Variants in ZNF710 observed in about 807,000 individuals in gnomAD.
ZNF710 encodes zinc finger protein 710.
Under a neutral mutation model 50.6 loss-of-function variants are expected in ZNF710, and 13 were observed. That is an observed-to-expected ratio of 0.26 (90% CI 0.17 to 0.41). ZNF710 has a LOEUF of 0.41. Among genes scored for constraint, ZNF710 ranks in the 10% least tolerant of loss-of-function variants. The probability of loss-of-function intolerance (pLI) is 1.00; values close to 1 mark genes in which losing one functional copy is unlikely to be tolerated. For missense variants in ZNF710, 721 were observed against 936.6 expected (o/e 0.77, Z 3.01); for synonymous variants, 383 against 397.0 (o/e 0.96, Z 0.42).
chr15:90,060,652 G>A (rs1318635528), intron 1 of ZNF710, among the ~76,000 whole-genome samples: 2 of 151,832 alleles, frequency 1.3e-5, no homozygotes, highest in Non-Finnish European at 2.9e-5. Flanking sequence ...TCAGGAGTTC[G>A]AGACCAGCCT....
At chr15:89,999,779 G>GGA (rs1342638323), upstream of ZNF710, among the ~76,000 whole-genome samples, 2 of 152,040 alleles carry the variant, frequency 1.3e-5, no homozygotes, top group Admixed American at 1.3e-4. Flanking sequence ...AGTCACTGGG[G>GGA]GAGAGACAAT....
rs1331844734 is a variant in ZNF710, at chr15:90,044,866, CA to C, written c.-28-22243del. ...CACTTTCTACATCCCCAGGGGCCAC[CA>C]GTCACTGTGGTCTGAGGAGTAAAGG... On this transcript the variant is annotated intron_variant, in intron 1 of 4. Transcript: ENST00000268154. Among the ~76,000 whole-genome samples the C allele has an allele frequency of 5.9e-5, 9 of 152,206 alleles. No individual in the cohort carries two copies. The East Asian group carries it at 1.4e-3, about 23-fold the overall frequency.
Position 90,080,274 on chromosome 15 carries a change from C to T in ZNF710, c.*445C>T, listed in dbSNP as rs1231587868. The T allele has an allele frequency of 6.3e-6, 1 of 158,344 alleles. No homozygotes were observed. Among genetic ancestry groups the T allele is most frequent in the Admixed American group, 6.5e-5 (1 of 15,372 alleles). The allele number at this position is 158,344 out of a possible 1,614,324, so 9.8% of individuals were successfully genotyped here. A position where few individuals can be genotyped will look rare whatever the true frequency, so the allele number is the denominator to read the frequency against. ...CCTCTAAGGATGTCTGAGCTCCCCT[C>T]TGGCCAGTACTGCCCACCTCTACCT... is the stretch of plus-strand genomic sequence containing the variant. On this transcript the variant is annotated 3_prime_UTR_variant, in exon 5 of 5. Coordinates refer to ENST00000268154, the MANE Select transcript of ZNF710 (RefSeq NM_198526.4).
At chr15:90,044,337 G>A (rs996665653) in intron 1 of ZNF710, among the ~76,000 whole-genome samples, 3 of 152,320 alleles carry the variant, frequency 2.0e-5, no homozygotes, top group South Asian at 2.1e-4. Flanking sequence ...GTGGTCCCAC[G>A]GGCCTCCCCA....
intron 1 of ZNF710, among the ~76,000 whole-genome samples, chr15:90,046,472 C>T (rs952947436): frequency 1.3e-5 from 2 of 152,082 alleles, no homozygotes; most frequent in African/African-American, 2.4e-5. Context: ...CCCAAGAAGA[C>T]TAGAGGAGGG....
upstream of ZNF710, among the ~76,000 whole-genome samples, chr15:89,998,547 A>C (rs1266875416): frequency 6.6e-6 from 1 of 152,058 alleles, no homozygotes; most frequent in African/African-American, 2.4e-5. Flanking sequence ...TCAGCTCATC[A>C]TGTTTCTGGT....
intron 1 of ZNF710, among the ~76,000 whole-genome samples, chr15:90,037,558 T>A (rs1051872411): frequency 4.6e-5 from 7 of 152,210 alleles, no homozygotes; most frequent in African/African-American, 9.6e-5. Flanking sequence ...GTACCACCAC[T>A]GGTGGTACTC....
chr15:90,029,432 A>G (rs759676188), intron 1 of ZNF710, among the ~76,000 whole-genome samples: 3 of 152,176 alleles, frequency 2.0e-5, no homozygotes, highest in Non-Finnish European at 4.4e-5. Flanking sequence ...ACAAACTCCA[A>G]CTCAAACGGG....
intron 1 of ZNF710, among the ~76,000 whole-genome samples, chr15:90,051,622 G>T (rs1452370717): frequency 2.0e-5 from 3 of 152,178 alleles, no homozygotes; most frequent in Non-Finnish European, 4.4e-5. Flanking sequence ...GACAGAGTGA[G>T]ACTTTGTCTC....
At chr15:90,021,637 C>G (rs1034585223) in intron 1 of ZNF710, among the ~76,000 whole-genome samples, 1 of 152,168 alleles carries the variant, frequency 6.6e-6, no homozygotes, top group Non-Finnish European at 1.5e-5. Flanking sequence ...GGCATGGTCT[C>G]TCTCCCCAGT....
At chr15:90,064,287 C>T (rs1047056381) in intron 1 of ZNF710, among the ~76,000 whole-genome samples, 2 of 152,244 alleles carry the variant, frequency 1.3e-5, no homozygotes, top group Admixed American at 6.5e-5. Flanking sequence ...ATTCACCTTG[C>T]TGTCTCCAGG....
chr15:90,079,179 C>T (rs1250739982), intron 4 of ZNF710, among the ~76,000 whole-genome samples: 2 of 152,230 alleles, frequency 1.3e-5, no homozygotes, highest in Admixed American at 1.3e-4. Context: ...CTCTCTAAAC[C>T]TCAGCCTTCT....
At chr15:90,017,942 T>C (rs74950453) in intron 1 of ZNF710, among the ~76,000 whole-genome samples, 9,626 of 152,040 alleles carry the variant, frequency 0.063, 1,047 homozygotes, top group African/African-American at 0.22. Context: ...TGGAATCTCC[T>C]TCCTTGGGCT....
At chr15:90,045,443 T>A in intron 1 of ZNF710, 3 of 970,078 alleles carry the variant, frequency 3.1e-6, no homozygotes, top group Non-Finnish European at 3.7e-6. Flanking sequence ...GCAGCTCTAG[T>A]GAGGTCAACA....
At chr15:90,066,027 T>A (rs1005011258) in intron 1 of ZNF710, among the ~76,000 whole-genome samples, 7 of 152,202 alleles carry the variant, frequency 4.6e-5, no homozygotes, top group African/African-American at 1.4e-4. Flanking sequence ...TTCTTTCAAA[T>A]CAGATCGGAC....
chr15:90,045,626 T>G (rs1365533441), intron 1 of ZNF710, among the ~76,000 whole-genome samples: 3 of 151,982 alleles, frequency 2.0e-5, no homozygotes, highest in African/African-American at 7.2e-5. Context: ...GAGGCCCAGC[T>G]CAAAGCTCCT....
chr15:90,049,891 G>A (rs1050638016), intron 1 of ZNF710, among the ~76,000 whole-genome samples: 27 of 152,300 alleles, frequency 1.8e-4, no homozygotes, highest in African/African-American at 5.5e-4. Flanking sequence ...ATCTCCCTCC[G>A]CAGCTCAACT....
upstream of ZNF710, chr15:90,001,323 T>C (rs1488828265): frequency 6.6e-6 from 1 of 152,160 alleles, no homozygotes; most frequent in Non-Finnish European, 1.5e-5. Context: ...GTCTCTCTCT[T>C]CCTCTGCGAG....
At chr15:90,045,754 G>T (rs1037731870) in intron 1 of ZNF710, among the ~76,000 whole-genome samples, 1 of 152,264 alleles carries the variant, frequency 6.6e-6, no homozygotes, top group South Asian at 2.1e-4. Context: ...CCCAGTTTAG[G>T]GGGTGGAGAG....
Sources: allele counts gnomAD v4.1 joint callset (sites outside exome capture counted in the v4.1 genomes callset), GRCh38; gene constraint gnomAD v4.1.1; transcripts MANE v1.5; gene names NCBI Gene and HGNC (gene_info 2026-07-23, HGNC 2026-07-21).